EYS: variants seen among roughly 807,000 people sequenced by gnomAD.
EYS encodes the protein EGF-like photoreceptor maintenance factor.
In EYS, 250 loss-of-function variants were observed where a neutral mutation model predicts 282.1. That is an observed-to-expected ratio of 0.89 (90% CI 0.80 to 0.98). The LOEUF is 0.98. Ranked by LOEUF, EYS falls within the 50% of genes least tolerant of loss-of-function variation. The pLI, the probability that EYS is intolerant of heterozygous loss-of-function variation, is 0.00. For synonymous variants in EYS, 1,355 were observed against 1,282.9 expected (o/e 1.06, Z -1.20); for missense variants, 4,016 against 3,709.0 (o/e 1.08, Z -2.15).
chr6:63,828,847 A>G (rs750015358), intron 36 of EYS, among the ~76,000 whole-genome samples: 1 of 152,194 alleles, frequency 6.6e-6, no homozygotes, highest in Non-Finnish European at 1.5e-5. Flanking sequence ...GAATACTTCT[A>G]CACTGCTGGT....
At chr6:65,603,985 A>G (rs1400405417) in intron 2 of EYS, among the ~76,000 whole-genome samples, 2 of 151,692 alleles carry the variant, frequency 1.3e-5, no homozygotes, top group African/African-American at 4.8e-5. Flanking sequence ...GATTTGAATG[A>G]CTTCTTTTTT....
intron 37 of EYS, among the ~76,000 whole-genome samples, chr6:63,791,420 A>G (rs982239472): frequency 2.0e-5 from 3 of 152,020 alleles, no homozygotes; most frequent in African/African-American, 7.2e-5. Flanking sequence ...TAAAAATACA[A>G]AAACAAAATT....
chr6:65,183,297 A>G (rs1054883970), intron 12 of EYS, among the ~76,000 whole-genome samples: 2 of 151,926 alleles, frequency 1.3e-5, no homozygotes, highest in African/African-American at 4.8e-5. Context: ...CATCTGTCAA[A>G]AGGTCTCACT....
At chr6:65,674,935 A>G (rs1264011064) in intron 1 of EYS, among the ~76,000 whole-genome samples, 1 of 80,260 alleles carries the variant, frequency 1.2e-5, no homozygotes, top group Non-Finnish European at 2.6e-5. Context: ...TATACACAAT[A>G]TAAGAAAGTA....
At chr6:64,560,989 A>T (rs747714920) in intron 26 of EYS, among the ~76,000 whole-genome samples, 12 of 152,196 alleles carry the variant, frequency 7.9e-5, no homozygotes, top group Non-Finnish European at 1.3e-4. Flanking sequence ...AAGTTAATTC[A>T]ACATGATCAA....
intron 22 of EYS, among the ~76,000 whole-genome samples, chr6:64,701,401 G>T (rs1297400754): frequency 6.6e-6 from 1 of 152,074 alleles, no homozygotes; most frequent in Non-Finnish European, 1.5e-5. Flanking sequence ...ACAACTTGCA[G>T]AATGGGAGAA....
At chr6:65,171,120 T>G (rs1765095510) in intron 12 of EYS, among the ~76,000 whole-genome samples, 1 of 151,576 alleles carries the variant, frequency 6.6e-6, no homozygotes, top group African/African-American at 2.4e-5. Flanking sequence ...TATCTGTTAC[T>G]TGAATTTTAA....
intron 30 of EYS, among the ~76,000 whole-genome samples, chr6:64,251,344 G>A (rs187236189): frequency 6.6e-6 from 1 of 152,174 alleles, no homozygotes; most frequent in Non-Finnish European, 1.5e-5. Flanking sequence ...ACTATTTCAG[G>A]TGAGAATATG....
rs547550543 is a variant in EYS at position 65,013,325 on chromosome 6, T to A, written c.2138-15622A>T. The stretch of plus-strand genomic sequence containing the variant: ...ATGAATTCACTGTACCCCCATATCA[T>A]GTTGATTTGTACATGAATTCATTAT... On this transcript the variant is annotated intron_variant, in intron 13 of 42. Coordinates refer to ENST00000503581, the MANE Select transcript of EYS (RefSeq NM_001142800.2). Among the ~76,000 whole-genome samples, 935 of 152,298 alleles carry A rather than the reference T, an allele frequency of 6.1e-3. 6 individuals carry two copies. Among genetic ancestry groups the A allele is most frequent in the Non-Finnish European group, 0.01 (690 of 68,030 alleles).
At chr6:64,546,614 T>C (rs979251012) in intron 26 of EYS, among the ~76,000 whole-genome samples, 1 of 152,144 alleles carries the variant, frequency 6.6e-6, no homozygotes, top group Non-Finnish European at 1.5e-5. Flanking sequence ...GTTTTTGCAA[T>C]CTACTCATCT....
chr6:65,393,325 A>T lies in EYS; in HGVS notation c.1185-8825T>A, dbSNP rs572841896. 3.9e-5 allele frequency among the ~76,000 whole-genome samples: 6 copies of T among 152,232 alleles called. 1 individual carries two copies. Among genetic ancestry groups the T allele is most frequent in the African/African-American group, 7.2e-5 (3 of 41,550 alleles). ...TACCCTAAAACTTAAAATATAATTT[A>T]AAAAAATTAGCCTTATAAATGTGAC... On this transcript the variant is annotated intron_variant, in intron 7 of 42. Transcript: ENST00000503581.
chr6:65,027,807 C>T (rs1019386642), intron 13 of EYS, among the ~76,000 whole-genome samples: 1 of 152,076 alleles, frequency 6.6e-6, no homozygotes, highest in African/African-American at 2.4e-5. Flanking sequence ...TGTTGTAAGG[C>T]ATGTTGTTTG....
intron 26 of EYS, among the ~76,000 whole-genome samples, chr6:64,587,988 T>C (rs1291685657): frequency 1.3e-5 from 2 of 151,698 alleles, no homozygotes; most frequent in Non-Finnish European, 3.0e-5. Flanking sequence ...TTTTCTATTT[T>C]CCTTTCCTTC....
chr6:65,058,616 T>C (rs1473036805), intron 12 of EYS, among the ~76,000 whole-genome samples: 2 of 151,006 alleles, frequency 1.3e-5, no homozygotes, highest in Non-Finnish European at 3.0e-5. Context: ...TAAGCCTATA[T>C]GGAAAGAAAA....
intron 30 of EYS, among the ~76,000 whole-genome samples, chr6:64,282,215 T>C (rs1033450529): frequency 1.3e-5 from 2 of 152,148 alleles, no homozygotes; most frequent in Admixed American, 1.3e-4. Flanking sequence ...CAACTATATA[T>C]CTTGATTCTG....
At chr6:65,443,448 A>G (rs1562186781) in intron 5 of EYS, among the ~76,000 whole-genome samples, 1 of 149,670 alleles carries the variant, frequency 6.7e-6, no homozygotes, top group Non-Finnish European at 1.5e-5. Flanking sequence ...ATATAGCCAT[A>G]TGTACATATA....
chr6:64,433,225 C>T (rs1210577678), intron 28 of EYS, among the ~76,000 whole-genome samples: 1 of 151,996 alleles, frequency 6.6e-6, no homozygotes, highest in South Asian at 2.1e-4. Context: ...AGACCTTTCT[C>T]CTATATTCAT....
chr6:65,424,027 A>G (rs1247379661), intron 5 of EYS, among the ~76,000 whole-genome samples: 9 of 151,860 alleles, frequency 5.9e-5, no homozygotes. Flanking sequence ...CTTTAATCCT[A>G]GCTTTCTTGG....
chr6:63,780,848 C>A (rs187555943), intron 39 of EYS, among the ~76,000 whole-genome samples: 1 of 152,250 alleles, frequency 6.6e-6, no homozygotes, highest in Admixed American at 6.5e-5. Flanking sequence ...AATGGTATTG[C>A]CTAGATTTTC....
Sources: gnomAD v4.1 joint callset for allele counts (sites outside exome capture counted in the v4.1 genomes callset) on GRCh38, gnomAD v4.1.1 for gene constraint, MANE v1.5 for transcripts, NCBI Gene and HGNC (gene_info 2026-07-23, HGNC 2026-07-21) for gene names.